PDE8B: variants seen among roughly 807,000 people sequenced by gnomAD.
The protein encoded by PDE8B is phosphodiesterase 8B, also known as high affinity cAMP-specific and IBMX-insensitive 3',5'-cyclic phosphodiesterase 8B.
In PDE8B, 26 loss-of-function variants were observed where a neutral mutation model predicts 101.3. The observed-to-expected ratio is 0.26, with a 90% confidence interval of 0.19 to 0.36. The LOEUF is 0.36. Among genes scored for constraint, PDE8B ranks in the 10% least tolerant of loss-of-function variants. The pLI is 1.00. For synonymous variants in PDE8B, 424 were observed against 429.3 expected, an observed-to-expected ratio of 0.99 and a Z score of 0.15; for missense variants, 810 against 1,163.1, an observed-to-expected ratio of 0.70 and a Z score of 4.42.
the PDE8B span, among the ~76,000 whole-genome samples, chr5:77,177,453 CTG>C: frequency 0.5 from 75,845 of 151,988 alleles, 19,496 homozygotes; most frequent in African/African-American, 0.62. Context: ...TAACAATAGA[CTG>C]TAATAAAAGT....
chr5:77,157,630 A>G, the PDE8B span, among the ~76,000 whole-genome samples: 1 of 152,236 alleles, frequency 6.6e-6, no homozygotes, highest in Non-Finnish European at 1.5e-5. Context: ...TCTCTTAACT[A>G]TATCCAAGGA....
the PDE8B span, among the ~76,000 whole-genome samples, chr5:77,192,562 T>C: frequency 6.6e-6 from 1 of 152,242 alleles, no homozygotes; most frequent in Non-Finnish European, 1.5e-5. Context: ...ACAATTTGTG[T>C]ATTTACTCAC....
chr5:77,096,948 C>T, the PDE8B span, among the ~76,000 whole-genome samples: 1 of 152,218 alleles, frequency 6.6e-6, no homozygotes, highest in Admixed American at 6.5e-5. Context: ...AGATCTTTTG[C>T]AGGGACACAG....
chr5:77,400,074 G>A (rs1362662186), intron 10 of PDE8B, among the ~76,000 whole-genome samples, 174 bp from the exon 11 acceptor site: 1 of 152,182 alleles, frequency 6.6e-6, no homozygotes, highest in African/African-American at 2.4e-5. Flanking sequence ...AAGTAACAGA[G>A]CCTTTGGATT....
At chr5:77,310,371 C>T (rs542232848) in intron 1 of PDE8B, among the ~76,000 whole-genome samples, 54 of 152,346 alleles carry the variant, frequency 3.5e-4, no homozygotes, top group East Asian at 7.7e-4. Flanking sequence ...AGCCCAGTGA[C>T]GCAGCAGGTT....
At chr5:77,342,257 C>T (rs2150372208) in intron 6 of PDE8B, among the ~76,000 whole-genome samples, 1 of 152,286 alleles carries the variant, frequency 6.6e-6, no homozygotes, top group Non-Finnish European at 1.5e-5. Flanking sequence ...TTGTCCCAAG[C>T]ACTTCGAGAA....
At chr5:77,422,105 C>T (rs1796772841) in intron 20 of PDE8B, 117 bp downstream of exon 20, 1 of 1,141,698 alleles carries the variant, frequency 8.8e-7, no homozygotes, top group South Asian at 1.3e-5. Flanking sequence ...ACCACTCCTC[C>T]CTGGAAGAAA....
the PDE8B span, among the ~76,000 whole-genome samples, chr5:77,110,266 C>G: frequency 6.6e-6 from 1 of 151,860 alleles, no homozygotes; most frequent in Non-Finnish European, 1.5e-5. Flanking sequence ...ATTAAATGGC[C>G]AGCGCTTTTT....
At chr5:77,299,815 A>G (rs1444925696) in intron 1 of PDE8B, among the ~76,000 whole-genome samples, 1 of 152,106 alleles carries the variant, frequency 6.6e-6, no homozygotes, top group Non-Finnish European at 1.5e-5. Flanking sequence ...GTCAAATGGT[A>G]TTTCTAGTTC....
At chr5:77,425,285 G>T (rs549199899) in intron 20 of PDE8B, among the ~76,000 whole-genome samples, 13 of 152,350 alleles carry the variant, frequency 8.5e-5, no homozygotes, top group Admixed American at 5.2e-4. Flanking sequence ...TTGGGGCCAG[G>T]CACAGTGGCT....
intron 7 of PDE8B, among the ~76,000 whole-genome samples, chr5:77,346,357 G>A (rs553686456): frequency 6.6e-6 from 1 of 152,210 alleles, no homozygotes; most frequent in Admixed American, 6.5e-5. Flanking sequence ...TTGGACAATC[G>A]ATTCTATTCA....
chr5:77,240,365 G>T (rs964207195), intron 1 of PDE8B, among the ~76,000 whole-genome samples: 1 of 152,108 alleles, frequency 6.6e-6, no homozygotes, highest in African/African-American at 2.4e-5. Context: ...GTGTTAGCCA[G>T]GATGGTCTTG....
At chr5:77,407,280 C>T (rs2151058564) in intron 12 of PDE8B, 101 bp from the exon 13 acceptor site, 1 of 857,122 alleles carries the variant, frequency 1.2e-6, no homozygotes, top group East Asian at 2.4e-5. Flanking sequence ...GGGAGGGTGG[C>T]CCTGTGAGAA....
rs114584265 is a variant in PDE8B at position 77,367,902 on chromosome 5, G to A, written c.1167+14496G>A. ...CCTGGGTGAGTCATCTGCACTTGCAGCGTTCTTCACAAAAGCCCCCAACTT... is the reference window on the plus strand; with the variant it reads ...CCTGGGTGAGTCATCTGCACTTGCAACGTTCTTCACAAAAGCCCCCAACTT... On this transcript the variant is annotated intron_variant, in intron 10 of 21. Transcript: ENST00000264917. Among the ~76,000 whole-genome samples the A allele has an allele frequency of 4.4e-3, 671 of 152,328 alleles. 1 individual carries two copies. Among genetic ancestry groups the A allele is most frequent in the Non-Finnish European group, 7.4e-3 (504 of 68,030 alleles).
At chr5:77,245,849 G>GCC (rs1216183081) in intron 1 of PDE8B, among the ~76,000 whole-genome samples, 1 of 6,596 alleles carries the variant, frequency 1.5e-4, no homozygotes, top group African/African-American at 5.3e-4. Context: ...TCCCCCCCCC[G>GCC]CCCCCCCCCC....
rs1381766630 is a variant in PDE8B, at chr5:77,337,087, G to C, written c.709-140G>C. ...AACAAGCACTTTGAACACCTTGACA[G>C]CTGTTTCATCTCATCTTACCTACTA... On this transcript the variant is annotated intron_variant, in intron 5 of 21. Transcript: ENST00000264917. The C allele has an allele frequency of 1.8e-5, 12 of 651,894 alleles. No homozygotes were observed. In the Admixed American group the frequency reaches 2.7e-4, roughly 15 times the overall value. The allele number at this position is 651,894 out of a possible 1,614,324, so 40.4% of individuals were successfully genotyped here.
intron 7 of PDE8B, among the ~76,000 whole-genome samples, 175 bp from the exon 8 acceptor site, chr5:77,349,244 G>C (rs78454610): frequency 6.6e-6 from 1 of 152,156 alleles, no homozygotes; most frequent in Non-Finnish European, 1.5e-5. Flanking sequence ...AGGGTTTGGG[G>C]ATGGAAAGGG....
intron 1 of PDE8B, chr5:77,290,751 A>G: frequency 6.7e-7 from 1 of 1,492,538 alleles, no homozygotes; most frequent in Non-Finnish European, 9.3e-7. Flanking sequence ...CCTGGTTGGA[A>G]TCATCACGGC....
chr5:77,172,628 T>G, the PDE8B span, among the ~76,000 whole-genome samples: 1 of 152,166 alleles, frequency 6.6e-6, no homozygotes, highest in South Asian at 2.1e-4. Context: ...CAGTGAAAAT[T>G]TATTGAGTGC....
Sources: allele counts gnomAD v4.1 joint callset (sites outside exome capture counted in the v4.1 genomes callset), GRCh38; gene constraint gnomAD v4.1.1; transcripts MANE v1.5; gene names NCBI Gene and HGNC (gene_info 2026-07-23, HGNC 2026-07-21).